Variants in USP28 observed in about 807,000 individuals in gnomAD.
USP28 encodes ubiquitin specific peptidase 28.
USP28 carries 113 observed loss-of-function variants against 145.0 expected under a neutral mutation model. The observed-to-expected ratio is 0.78, with a 90% CI of 0.67 to 0.91. The LOEUF (loss-of-function observed/expected upper bound fraction) is 0.91. Among genes scored for constraint, USP28 ranks in the 40% least tolerant of loss-of-function variants. The probability of loss-of-function intolerance (pLI) is 0.00; values close to 1 mark genes in which losing one functional copy is unlikely to be tolerated. For synonymous variants in USP28, 447 were observed against 450.9 expected (o/e 0.99, Z 0.11); for missense variants, 1,201 against 1,289.6 (o/e 0.93, Z 1.05).
chr11:113,807,973 T>C (rs1457582230), intron 18 of USP28: 5 of 1,151,436 alleles, frequency 4.3e-6, no homozygotes, highest in Non-Finnish European at 5.4e-6. Context: ...TCCATCTGCA[T>C]CAGATCTAAC....
intron 19 of USP28, among the ~76,000 whole-genome samples, chr11:113,805,661 C>T (rs913585054): frequency 2.0e-5 from 3 of 152,038 alleles, no homozygotes; most frequent in Non-Finnish European, 4.4e-5. Flanking sequence ...ATGACTTAAA[C>T]TTAAAGAATC....
intron 19 of USP28, among the ~76,000 whole-genome samples, chr11:113,805,563 C>T (rs1939807107): frequency 6.6e-6 from 1 of 152,096 alleles, no homozygotes; most frequent in Admixed American, 6.6e-5. Flanking sequence ...GCCTACTGTA[C>T]TCTTAAGAAA....
chr11:113,844,915 G>C (rs772366728), intron 3 of USP28, among the ~76,000 whole-genome samples: 4 of 151,786 alleles, frequency 2.6e-5, no homozygotes, highest in Non-Finnish European at 4.4e-5. Flanking sequence ...GACCAGCCTG[G>C]GCAATGTGGC....
intron 12 of USP28, chr11:113,820,736 T>C (rs1387632170): frequency 6.6e-6 from 1 of 152,516 alleles, no homozygotes; most frequent in African/African-American, 2.4e-5. Context: ...AACCTTTCTC[T>C]TGCCAACAAT....
chr11:113,867,372 T>A (rs545879129), intron 1 of USP28, among the ~76,000 whole-genome samples: 7 of 152,160 alleles, frequency 4.6e-5, no homozygotes, highest in Admixed American at 4.6e-4. Flanking sequence ...GTTCAAGTGA[T>A]TCTCCTGCCT....
At chr11:113,860,425 T>A (rs1947527657) in intron 1 of USP28, among the ~76,000 whole-genome samples, 1 of 129,338 alleles carries the variant, frequency 7.7e-6, no homozygotes, top group Non-Finnish European at 1.7e-5. Context: ...AAATAAAACT[T>A]AAGTACCCAA....
At chr11:113,847,967 A>C (rs1201048118) in intron 3 of USP28, among the ~76,000 whole-genome samples, 4 of 152,298 alleles carry the variant, frequency 2.6e-5, no homozygotes, top group Non-Finnish European at 4.4e-5. Flanking sequence ...ACTTCCTCTC[A>C]TGGGTCTCAC....
rs1396528001 is a variant in USP28 at position 113,813,832 on chromosome 11, G to A, written c.1743+53C>T. ...AAGAAAACTATCAAATTTGATTTTT[G>A]TATCTACCATTAGCACATGCCTTGA... On this transcript the variant is annotated intron_variant, in intron 15 of 24. Transcript: ENST00000003302. 4 of 1,414,068 alleles carry A rather than the reference G, an allele frequency of 2.8e-6. No individual in the cohort carries two copies. The South Asian group carries it at 3.6e-5, about 13-fold the overall frequency. The allele number at this position is 1,414,068 out of a possible 1,614,324, so 87.6% of individuals were successfully genotyped here. A position where few individuals can be genotyped will look rare whatever the true frequency, so the allele number is the denominator to read the frequency against.
intron 19 of USP28, among the ~76,000 whole-genome samples, chr11:113,805,867 A>C (rs1227393624): frequency 6.6e-6 from 1 of 152,198 alleles, no homozygotes; most frequent in Non-Finnish European, 1.5e-5. Context: ...AGAGAAGAGA[A>C]GTGAACAGCT....
chr11:113,803,701 G>T, intron 22 of USP28, 97 bp downstream of exon 23: 1 of 944,578 alleles, frequency 1.1e-6, no homozygotes, highest in Non-Finnish European at 1.7e-6. Flanking sequence ...TGACAAGGGA[G>T]GTTATGCATG....
chr11:113,871,555 A>G (rs1188543738), intron 1 of USP28, among the ~76,000 whole-genome samples: 1 of 152,206 alleles, frequency 6.6e-6, no homozygotes, highest in African/African-American at 2.4e-5. Context: ...GTCTCCAGAC[A>G]TTGCCAAATG....
Position 113,823,636 on chromosome 11 carries a change from C to T in USP28, c.1252G>A (p.Glu418Lys), listed in dbSNP as rs756396052. The change falls in exon 12 of 25, where the codon GAA (glutamate) becomes AAA (lysine). Residue 418 changes from glutamate to lysine, a missense_variant. Coordinates refer to ENST00000003302, the Ensembl canonical transcript of USP28. ...AATTTTTGCTGCAGAATTTTTATTT[C>T]CTCCTTCAACTTTCGAATACACTCT... The T allele has an allele frequency of 1.9e-5, 30 of 1,612,462 alleles. No individual in the cohort carries two copies. The South Asian group carries it at 3.3e-4, about 18-fold the overall frequency.
chr11:113,865,870 T>C (rs1377246634), intron 1 of USP28, among the ~76,000 whole-genome samples: 2 of 152,262 alleles, frequency 1.3e-5, no homozygotes, highest in African/African-American at 4.8e-5. Context: ...TGTGTACCTG[T>C]AGTCCCAGCT....
intron 8 of USP28, among the ~76,000 whole-genome samples, chr11:113,831,210 T>A (rs1426126132): frequency 6.6e-6 from 1 of 152,172 alleles, no homozygotes; most frequent in East Asian, 1.9e-4. Flanking sequence ...GAGTCACACA[T>A]GCAGACAAAT....
chr11:113,817,252 TC>T (rs1350927731), intron 13 of USP28, among the ~76,000 whole-genome samples: 3 of 152,200 alleles, frequency 2.0e-5, no homozygotes. Context: ...AATTTTCTAT[TC>T]AAGAATAAGT....
intron 8 of USP28, among the ~76,000 whole-genome samples, chr11:113,831,373 C>T (rs1218541549): frequency 6.6e-6 from 1 of 152,204 alleles, no homozygotes; most frequent in Non-Finnish European, 1.5e-5. Flanking sequence ...TTTCTCCTTA[C>T]AAGTCCTTCT....
chr11:113,866,836 G>A (rs532452829), intron 1 of USP28, among the ~76,000 whole-genome samples: 1 of 152,234 alleles, frequency 6.6e-6, no homozygotes, highest in South Asian at 2.1e-4. Context: ...TCAAATACAA[G>A]TATATGAAAA....
At chr11:113,851,989 C>T (rs1946510097) in intron 3 of USP28, among the ~76,000 whole-genome samples, 1 of 152,170 alleles carries the variant, frequency 6.6e-6, no homozygotes, top group Non-Finnish European at 1.5e-5. Context: ...TTGGTCCTCA[C>T]TAAATAAATG....
intron 12 of USP28, chr11:113,818,077 T>C: frequency 2.4e-6 from 1 of 412,466 alleles, no homozygotes; most frequent in Non-Finnish European, 4.3e-6. Flanking sequence ...AGGCTCCTAA[T>C]CAAAGTCATG....
Sources: allele counts gnomAD v4.1 joint callset (sites outside exome capture counted in the v4.1 genomes callset), GRCh38; gene constraint gnomAD v4.1.1; transcripts MANE v1.5; gene names NCBI Gene and HGNC (gene_info 2026-07-23, HGNC 2026-07-21).